FARP1: variants seen among roughly 807,000 people sequenced by gnomAD.
FARP1 encodes the protein FERM, ARHGEF and pleckstrin domain-containing protein 1.
FARP1 carries 52 observed loss-of-function variants against 128.8 expected under a neutral mutation model. The ratio of observed to expected loss-of-function variants is 0.40; its 90% confidence interval spans 0.32 to 0.51. FARP1 has a LOEUF of 0.51. Among genes scored for constraint, FARP1 ranks in the 20% least tolerant of loss-of-function variants. The pLI is 0.45. For missense variants in FARP1, 1,333 were observed against 1,367.9 expected, an observed-to-expected ratio of 0.97 and a Z score of 0.40; for synonymous variants, 580 against 551.8, an observed-to-expected ratio of 1.05 and a Z score of -0.72.
chr13:98,152,811 C>G (rs1876108054), intron 1 of FARP1, among the ~76,000 whole-genome samples: 1 of 152,128 alleles, frequency 6.6e-6, no homozygotes, highest in African/African-American at 2.4e-5. Context: ...GAGATGATCT[C>G]TTTATAAGGA....
Position 98,383,048 on chromosome 13 carries a change from T to C in FARP1, c.497-1682T>C, listed in dbSNP as rs529039396. 1.7e-4 allele frequency among the ~76,000 whole-genome samples: 26 copies of C among 152,308 alleles called. No individual in the cohort carries two copies. In the South Asian group the frequency reaches 5.4e-3, roughly 32 times the overall value. On this transcript the variant is annotated intron_variant, in intron 6 of 26. Transcript: ENST00000319562. ...ATAAGATACGGCCAGTTAACTAAAA[T>C]GTTGTTTCAAGACTACTCTAGGAAC...
chr13:98,286,834 T>G (rs772100978), intron 2 of FARP1, among the ~76,000 whole-genome samples: 6 of 152,180 alleles, frequency 3.9e-5, no homozygotes, highest in Non-Finnish European at 4.4e-5. Context: ...AAAAGAACAA[T>G]GAGGAAGAAT....
At chr13:98,207,908 CCACACACACACACACACACACACACA>C (rs71111934) in intron 1 of FARP1, among the ~76,000 whole-genome samples, 15 of 71,574 alleles carry the variant, frequency 2.1e-4, no homozygotes, top group South Asian at 9.0e-4. Flanking sequence ...ACCACCACCT[CCACACACACACACACACACACACACA>C]CACACACACA....
intron 2 of FARP1, among the ~76,000 whole-genome samples, chr13:98,325,156 A>G (rs953548303): frequency 3.9e-5 from 6 of 152,190 alleles, no homozygotes; most frequent in African/African-American, 1.4e-4. Flanking sequence ...CCTGAAAAAT[A>G]TGGTTTATGC....
chr13:98,242,407 G>A (rs1566785399), intron 2 of FARP1, among the ~76,000 whole-genome samples: 1 of 152,166 alleles, frequency 6.6e-6, no homozygotes, highest in Non-Finnish European at 1.5e-5. Context: ...CAGATGCAGT[G>A]GCTTATGCCT....
At chr13:98,245,634 T>C (rs968114843) in intron 2 of FARP1, among the ~76,000 whole-genome samples, 14 of 152,238 alleles carry the variant, frequency 9.2e-5, no homozygotes, top group African/African-American at 3.1e-4. Context: ...AGGAATCTTT[T>C]TGGGTTAATA....
At chr13:98,171,634 TATAAC>T (rs1877659438) in intron 1 of FARP1, among the ~76,000 whole-genome samples, 1 of 152,208 alleles carries the variant, frequency 6.6e-6, no homozygotes, top group Non-Finnish European at 1.5e-5. Flanking sequence ...TTTACCAAGG[TATAAC>T]ATAACATGAT....
rs1410186655 is a variant in FARP1, at chr13:98,379,040, C to T, written c.496+1122C>T. ...CTATATATAATATATATAATATATA[C>T]AATATGTAATCTATATATAATATAT... is the stretch of plus-strand genomic sequence containing the variant. On this transcript the variant is annotated intron_variant, in intron 6 of 26. Coordinates refer to ENST00000319562, the MANE Select transcript of FARP1 (RefSeq NM_005766.4). Among the ~76,000 whole-genome samples the T allele has an allele frequency of 1.9e-4, 12 of 62,282 alleles. 3 individuals carry two copies. The highest frequency in any genetic ancestry group is 1.5e-3 in the African/African-American group (12 of 7,966). 40.9% of individuals were successfully genotyped at this position (62,282 alleles called of 152,430 possible). A position where few individuals can be genotyped will look rare whatever the true frequency, so the allele number is the denominator to read the frequency against.
chr13:98,446,275 C>G (rs1365312535), intron 25 of FARP1, 70 bp downstream of exon 25: 2 of 1,003,406 alleles, frequency 2.0e-6, no homozygotes, highest in Non-Finnish European at 3.1e-6. Flanking sequence ...GGGGGCCGCC[C>G]TCCTCTGGAA....
chr13:98,392,500 CAA>C (rs768704584), intron 11 of FARP1, among the ~76,000 whole-genome samples: 6 of 136,322 alleles, frequency 4.4e-5, no homozygotes, highest in African/African-American at 2.6e-5. Context: ...GATCCTGTCC[CAA>C]AAAAAAAAAA....
intron 2 of FARP1, among the ~76,000 whole-genome samples, chr13:98,313,141 C>CAG (rs71213674): frequency 7.2e-6 from 1 of 138,772 alleles, no homozygotes; most frequent in Non-Finnish European, 1.6e-5. Flanking sequence ...CACACACACA[C>CAG]TCACTCGAAT....
rs1458206887 is a variant in FARP1 at position 98,200,395 on chromosome 13, C to A, written c.-23-12825C>A. 4.1e-5 allele frequency among the ~76,000 whole-genome samples: 6 copies of A among 147,662 alleles called. No individual in the cohort carries two copies. The East Asian group carries it at 1.0e-3, about 25-fold the overall frequency. ...CCTGGAATGCAACCTTCACCCCCCC[C>A]CCCTCCCCTTTGTGATTCAGTGGGG... On this transcript the variant is annotated intron_variant, in intron 1 of 26. Transcript: ENST00000319562.
intron 6 of FARP1, among the ~76,000 whole-genome samples, chr13:98,378,956 A>G (rs1426431433): frequency 9.1e-6 from 1 of 109,850 alleles, no homozygotes; most frequent in South Asian, 2.8e-4. Flanking sequence ...TAATATATAT[A>G]TAATATATAC....
chr13:98,378,238 C>G (rs1393568728), intron 6 of FARP1, among the ~76,000 whole-genome samples: 1 of 152,176 alleles, frequency 6.6e-6, no homozygotes, highest in Non-Finnish European at 1.5e-5. Flanking sequence ...TTGTTCTGTC[C>G]TGTTCTTGGA....
chr13:98,207,908 C>CCACACACACACACACACACA lies in FARP1; in HGVS notation c.-23-5270_-23-5251dup, dbSNP rs71111934. ...ATATACTGCTCCCCGACCACCACCT[C>CCACACACACACACACACACA]CACACACACACACACACACACACAC... On this transcript the variant is annotated intron_variant, in intron 1 of 26. Transcript: ENST00000319562. Among the ~76,000 whole-genome samples, 47 of 71,608 alleles carry CCACACACACACACACACACA rather than the reference C, an allele frequency of 6.6e-4. 5 individuals are homozygous for CCACACACACACACACACACA. Among genetic ancestry groups the CCACACACACACACACACACA allele is most frequent in the South Asian group, 1.8e-3 (2 of 1,108 alleles). 47.0% of individuals were successfully genotyped at this position (71,608 alleles called of 152,430 possible). A position where few individuals can be genotyped will look rare whatever the true frequency, so the allele number is the denominator to read the frequency against.
Position 98,390,230 on chromosome 13 carries a change from C to A in FARP1, c.1019+110C>A, listed in dbSNP as rs1002549357. 7.4e-6 allele frequency: 9 copies of A among 1,214,958 alleles called. No homozygotes were observed. The East Asian group carries it at 1.6e-4, about 22-fold the overall frequency. The allele number at this position is 1,214,958 out of a possible 1,614,324, so 75.3% of individuals were successfully genotyped here. A position where few individuals can be genotyped will look rare whatever the true frequency, so the allele number is the denominator to read the frequency against. The stretch of plus-strand genomic sequence containing the variant: ...AGGGAGGTGAACGCTCATTGGCCTC[C>A]AGGAGCTATGGCCAAGCGGGGGCGC... On this transcript the variant is annotated intron_variant, in intron 10 of 26. Coordinates refer to ENST00000319562, the MANE Select transcript of FARP1 (RefSeq NM_005766.4).
At chr13:98,363,611 G>A (rs185774507) in intron 3 of FARP1, among the ~76,000 whole-genome samples, 25 of 152,140 alleles carry the variant, frequency 1.6e-4, no homozygotes, top group African/African-American at 4.3e-4. Flanking sequence ...ACTCCAGACC[G>A]CTCCTATAAT....
At chr13:98,424,466 C>T (rs1397217085) in intron 16 of FARP1, 106 bp from the exon 17 acceptor site, 28 of 748,170 alleles carry the variant, frequency 3.7e-5, no homozygotes, top group Admixed American at 2.3e-4. Flanking sequence ...AGGAGATGTC[C>T]GGGGAGGGGT....
At chr13:98,233,525 C>T (rs1228193883) in intron 2 of FARP1, 2 of 152,186 alleles carry the variant, frequency 1.3e-5, no homozygotes, top group South Asian at 4.1e-4. Flanking sequence ...AGGGTGGGGC[C>T]AGGAGGGTTC....
Sources: gnomAD v4.1 joint callset for allele counts (sites outside exome capture counted in the v4.1 genomes callset) on GRCh38, gnomAD v4.1.1 for gene constraint, MANE v1.5 for transcripts, NCBI Gene and HGNC (gene_info 2026-07-23, HGNC 2026-07-21) for gene names.